Variants in ACTR5 observed in about 807,000 individuals in gnomAD.
ACTR5 encodes the protein actin related protein 5.
A neutral mutation model predicts 61.2 loss-of-function variants in ACTR5; 43 were observed. That is an observed-to-expected ratio of 0.70 (90% CI 0.55 to 0.91). The LOEUF (loss-of-function observed/expected upper bound fraction) is 0.91, where lower values mean the gene tolerates loss of function less well. Among genes scored for constraint, ACTR5 ranks in the 40% least tolerant of loss-of-function variants. The pLI is 0.00. For missense variants in ACTR5, 798 were observed against 782.2 expected, an observed-to-expected ratio of 1.02 and a Z score of -0.24; for synonymous variants, 333 against 310.5, an observed-to-expected ratio of 1.07 and a Z score of -0.76.
intron 5 of ACTR5, among the ~76,000 whole-genome samples, chr20:38,764,086 A>G (rs759428098): frequency 6.6e-6 from 1 of 152,144 alleles, no homozygotes; most frequent in Non-Finnish European, 1.5e-5. Context: ...ATTGAGGGGT[A>G]TTGCCTTATT....
rs1239704221 is a variant in ACTR5, at chr20:38,771,603, T to C, written c.1611T>C (p.Ala537=). The change falls in exon 9 of 9, where the codon GCT becomes GCC. Residue 537 remains alanine (A), a synonymous_variant. Coordinates refer to ENST00000243903, the MANE Select transcript of ACTR5 (RefSeq NM_024855.4). ...SNPVLDAWYG[A]RDWALNHLDD... is the part of the protein sequence containing the mutation. ...CTGTGCTGGATGCCTGGTACGGTGCTCGTGACTGGGCCTTGAACCACCTAG... is the reference window on the plus strand; with the variant it reads ...CTGTGCTGGATGCCTGGTACGGTGCCCGTGACTGGGCCTTGAACCACCTAG... 4.3e-6 allele frequency: 7 copies of C among 1,614,144 alleles called. No individual in the cohort carries two copies. Among genetic ancestry groups the C allele is most frequent in the Non-Finnish European group, 5.9e-6 (7 of 1,180,032 alleles).
intron 3 of ACTR5, 139 bp from the exon 4 acceptor site, chr20:38,754,818 T>C (rs1414125728): frequency 8.3e-6 from 6 of 719,900 alleles, no homozygotes; most frequent in Non-Finnish European, 1.4e-5. Context: ...CTTGATCTCC[T>C]GACCTCGTGA....
intron 7 of ACTR5, 27 bp downstream of exon 7, chr20:38,766,404 C>A: frequency 6.4e-7 from 1 of 1,557,700 alleles, no homozygotes; most frequent in South Asian, 1.2e-5. Flanking sequence ...GCTTTTCCTT[C>A]TATCTTCCTG....
rs1164295154 is a variant in ACTR5, at chr20:38,772,071, A to G, written c.*255A>G. 8.9e-5 allele frequency: 46 copies of G among 516,754 alleles called. No homozygotes were observed. In the East Asian group the frequency reaches 1.5e-3, roughly 16 times the overall value. 32.0% of individuals were successfully genotyped at this position (516,754 alleles called of 1,614,324 possible). ...TTGTTCAACTGTGGCCAGCTGTGGC[A>G]TCAGCTTCCTGGAGCAGTAAATGAA... On this transcript the variant is annotated 3_prime_UTR_variant, in exon 9 of 9. Coordinates refer to ENST00000243903, the MANE Select transcript of ACTR5 (RefSeq NM_024855.4).
chr20:38,761,577 G>GGGTTGATTC (rs1368717302), intron 5 of ACTR5: 1 of 152,274 alleles, frequency 6.6e-6, no homozygotes, highest in Non-Finnish European at 1.5e-5. Context: ...TTGATTGCCA[G>GGGTTGATTC]GGTTGATTCG....
intron 5 of ACTR5, 67 bp downstream of exon 5, chr20:38,756,106 A>G: frequency 6.7e-7 from 1 of 1,485,730 alleles, no homozygotes; most frequent in South Asian, 1.4e-5. Context: ...GCCTGACATC[A>G]AAGGGGTTGT....
chr20:38,752,970 ATT>A (rs1277922479), intron 3 of ACTR5, among the ~76,000 whole-genome samples: 3 of 152,218 alleles, frequency 2.0e-5, no homozygotes, highest in African/African-American at 7.2e-5. Flanking sequence ...CATTTTAACC[ATT>A]TTTAAGTATA....
At chr20:38,763,421 G>C (rs2084466394) in intron 5 of ACTR5, among the ~76,000 whole-genome samples, 1 of 152,166 alleles carries the variant, frequency 6.6e-6, no homozygotes. Context: ...TGCTGTCCCT[G>C]CTGGGACAGA....
intron 5 of ACTR5, among the ~76,000 whole-genome samples, chr20:38,764,204 A>G (rs1260048696): frequency 6.6e-6 from 1 of 152,168 alleles, no homozygotes; most frequent in Non-Finnish European, 1.5e-5. Context: ...TCCGAGAGTA[A>G]GGAGAGACTC....
chr20:38,750,217 G>C lies in ACTR5; in HGVS notation c.583G>C (p.Val195Leu). The C allele has an allele frequency of 1.2e-6, 2 of 1,614,070 alleles. No individual in the cohort carries two copies. Among genetic ancestry groups the C allele is most frequent in the Non-Finnish European group, 1.7e-6 (2 of 1,179,970 alleles). The change falls in exon 2 of 9, where the codon GTT becomes CTT. Residue 195 changes from valine (V) to leucine (L), a missense_variant. Val to Leu is a conservative substitution (Grantham distance 32). Transcript: ENST00000243903. ...IISSGYQCTH[V>L]LPILEGRLDA... The stretch of plus-strand genomic sequence containing the variant: ...TTCATCTGGATACCAGTGTACGCAT[G>C]TTTTACCCATCTTAGAAGGGAGGTG...
At chr20:38,751,451 A>C (rs2084386632) in intron 2 of ACTR5, among the ~76,000 whole-genome samples, 1 of 152,370 alleles carries the variant, frequency 6.6e-6, no homozygotes, top group Non-Finnish European at 1.5e-5. Flanking sequence ...AAAAATAAAA[A>C]GTAACATATT....
chr20:38,765,398 T>G lies in ACTR5; in HGVS notation c.1177-4T>G. ...GTTCTGTTTCATTTTGCTCCTTCTCTTAGACCCCTGACCTGGAGCAGCTGG... is the reference window on the plus strand; with the variant it reads ...GTTCTGTTTCATTTTGCTCCTTCTCGTAGACCCCTGACCTGGAGCAGCTGG... On this transcript the variant is annotated splice_polypyrimidine_tract_variant and splice_region_variant and intron_variant, in intron 5 of 8. Transcript: ENST00000243903. 1 of 1,612,736 alleles carries G rather than the reference T, an allele frequency of 6.2e-7. No individual in the cohort carries two copies. The highest frequency in any genetic ancestry group is 8.5e-7 in the Non-Finnish European group (1 of 1,178,728).
At chr20:38,756,616 T>C (rs956976581) in intron 5 of ACTR5, among the ~76,000 whole-genome samples, 3 of 152,212 alleles carry the variant, frequency 2.0e-5, no homozygotes, top group Non-Finnish European at 4.4e-5. Flanking sequence ...TTAATAAGTG[T>C]TTTTGAGGCC....
Position 38,771,782 on chromosome 20 carries a change from C to T in ACTR5, c.1790C>T (p.Ala597Val). The T allele has an allele frequency of 1.2e-6, 2 of 1,613,456 alleles. No homozygotes were observed. Among genetic ancestry groups the T allele is most frequent in the Non-Finnish European group, 1.7e-6 (2 of 1,179,910 alleles). ...SDAQASSKGS[A>V]AGGGGAGEQA ...GCCCAGGCATCCAGCAAGGGCTCCGCTGCTGGTGGAGGTGGTGCTGGTGAG... is the reference window on the plus strand; with the variant it reads ...GCCCAGGCATCCAGCAAGGGCTCCGTTGCTGGTGGAGGTGGTGCTGGTGAG... The change falls in exon 9 of 9, where the codon GCT (alanine) becomes GTT (valine). Residue 597 changes from alanine to valine, a missense_variant. Ala to Val is a moderately conservative substitution (Grantham distance 64, BLOSUM62 0). Coordinates refer to ENST00000243903, the MANE Select transcript of ACTR5 (RefSeq NM_024855.4).
intron 1 of ACTR5, among the ~76,000 whole-genome samples, chr20:38,749,363 A>G (rs2084372650): frequency 6.6e-6 from 1 of 152,230 alleles, no homozygotes; most frequent in South Asian, 2.1e-4. Flanking sequence ...CCATGTGAAT[A>G]TCTGAAGGAA....
rs148668633 is a variant in ACTR5 at position 38,752,348 on chromosome 20, G to A, written c.775+48G>A. On this transcript the variant is annotated intron_variant, in intron 3 of 8. Coordinates refer to ENST00000243903, the MANE Select transcript of ACTR5 (RefSeq NM_024855.4). ...GCAGCTTTTGGGTGTTGTCTACCTTGTATTCCTTAAATTATTGCCAGCATG... is the reference window on the plus strand; with the variant it reads ...GCAGCTTTTGGGTGTTGTCTACCTTATATTCCTTAAATTATTGCCAGCATG... The A allele has an allele frequency of 4.2e-4, 650 of 1,532,600 alleles. 7 individuals carry two copies. In the African/African-American group the frequency reaches 7.9e-3, roughly 19 times the overall value. The allele number at this position is 1,532,600 out of a possible 1,614,324, so 94.9% of individuals were successfully genotyped here. A position where few individuals can be genotyped will look rare whatever the true frequency, so the allele number is the denominator to read the frequency against.
chr20:38,749,002 C>T (rs2084370178), intron 1 of ACTR5, 149 bp downstream of exon 1: 2 of 1,018,940 alleles, frequency 2.0e-6, no homozygotes, highest in South Asian at 1.7e-5. Flanking sequence ...GTGGGTGTAG[C>T]AGCGAATAAA....
rs773613569 is a variant in ACTR5 at position 38,754,942 on chromosome 20, AT to A, written c.776-13del. 1.2e-6 allele frequency: 2 copies of A among 1,612,326 alleles called. No individual in the cohort carries two copies. Among genetic ancestry groups the A allele is most frequent in the East Asian group, 4.5e-5 (2 of 44,834 alleles). ...GTGTTTCCATTTCATAACTTTCAAA[AT>A]TGTTTCTTTGAAGAATTACACAAAT... On this transcript the variant is annotated splice_polypyrimidine_tract_variant and intron_variant, in intron 3 of 8. Transcript: ENST00000243903.
chr20:38,766,754 A>AT, intron 7 of ACTR5, among the ~76,000 whole-genome samples: 2 of 152,288 alleles, frequency 1.3e-5, no homozygotes, highest in East Asian at 3.9e-4. Context: ...CCTTGCAGGC[A>AT]TTTTACTTAT....
Sources: allele counts gnomAD v4.1 joint callset (sites outside exome capture counted in the v4.1 genomes callset), GRCh38; gene constraint gnomAD v4.1.1; transcripts MANE v1.5; gene names NCBI Gene and HGNC (gene_info 2026-07-23, HGNC 2026-07-21).